PXDNL: variants seen among roughly 807,000 people sequenced by gnomAD.
PXDNL encodes the protein peroxidasin like.
PXDNL carries 145 observed loss-of-function variants against 150.8 expected under a neutral mutation model. That is an observed-to-expected ratio of 0.96 (90% confidence interval 0.84 to 1.10). PXDNL has a LOEUF of 1.10. Among genes scored for constraint, PXDNL ranks in the 50% least tolerant of loss-of-function variants. The pLI, the probability that PXDNL is intolerant of heterozygous loss-of-function variation, is 0.00. For missense variants in PXDNL, 2,087 were observed against 1,873.9 expected (o/e 1.11, Z -2.10); for synonymous variants, 757 against 725.7 (o/e 1.04, Z -0.69).
rs567137482 is a variant in PXDNL at position 51,392,434 on chromosome 8, C to A, written c.3557+15633G>T. Among the ~76,000 whole-genome samples the A allele has an allele frequency of 2.0e-5, 3 of 152,230 alleles. No individual in the cohort carries two copies. The East Asian group carries it at 5.8e-4, about 29-fold the overall frequency. On this transcript the variant is annotated intron_variant, in intron 17 of 22. Transcript: ENST00000356297. ...TTTCATTGAGCAGTGGTTTATAGTT[C>A]TCCTTGAAGAGGTCCTTCACGTCCC...
intron 1 of PXDNL, among the ~76,000 whole-genome samples, chr8:51,719,707 A>T (rs547811726): frequency 1.3e-3 from 191 of 152,090 alleles, no homozygotes; most frequent in Middle Eastern, 0.01. Context: ...TGATTTTTTT[A>T]AAAAAATATT....
chr8:51,429,347 A>G (rs1261204008), intron 12 of PXDNL, among the ~76,000 whole-genome samples: 2 of 152,176 alleles, frequency 1.3e-5, no homozygotes, highest in Non-Finnish European at 2.9e-5. Context: ...TGTGAGGCCG[A>G]GGTTGACGGA....
chr8:51,552,602 G>C (rs971616116), intron 4 of PXDNL, among the ~76,000 whole-genome samples: 1 of 152,162 alleles, frequency 6.6e-6, no homozygotes, highest in African/African-American at 2.4e-5. Flanking sequence ...AATATCGTAG[G>C]TTCTCATAAG....
intron 6 of PXDNL, among the ~76,000 whole-genome samples, chr8:51,479,982 G>A (rs114311235): frequency 0.015 from 2,280 of 152,206 alleles, 73 homozygotes; most frequent in African/African-American, 0.052. Context: ...TCTGACATGA[G>A]AATTACCAAG....
chr8:51,326,875 CA>C (rs1311141545), intron 21 of PXDNL, among the ~76,000 whole-genome samples: 7 of 152,088 alleles, frequency 4.6e-5, no homozygotes, highest in Non-Finnish European at 1.0e-4. Flanking sequence ...AGGAGTATTG[CA>C]GATGTAACTA....
chr8:51,637,641 A>C (rs1014159011), intron 2 of PXDNL, among the ~76,000 whole-genome samples: 1 of 152,334 alleles, frequency 6.6e-6, no homozygotes, highest in East Asian at 1.9e-4. Context: ...TGAAAAGAGA[A>C]GTTTAGAGAA....
chr8:51,617,916 A>C (rs1387930034), intron 2 of PXDNL, among the ~76,000 whole-genome samples: 2 of 152,270 alleles, frequency 1.3e-5, no homozygotes, highest in East Asian at 3.8e-4. Flanking sequence ...ACACACATGC[A>C]TGCAGGCGCA....
At chr8:51,763,462 A>G (rs1317684565) in intron 1 of PXDNL, among the ~76,000 whole-genome samples, 3 of 152,124 alleles carry the variant, frequency 2.0e-5, no homozygotes, top group African/African-American at 7.2e-5. Flanking sequence ...TCAGTAGGCC[A>G]CTGCACATGC....
intron 1 of PXDNL, among the ~76,000 whole-genome samples, chr8:51,669,129 A>G (rs1243676437): frequency 6.6e-6 from 1 of 152,244 alleles, no homozygotes; most frequent in Non-Finnish European, 1.5e-5. Flanking sequence ...TTTCAGGTGA[A>G]CTAAAAACAA....
intron 1 of PXDNL, 29 bp from the exon 2 acceptor site, chr8:51,654,789 T>C: frequency 6.4e-7 from 1 of 1,553,600 alleles, no homozygotes; most frequent in South Asian, 1.1e-5. Context: ...GAAGAACGAT[T>C]ATAATATGTT....
chr8:51,797,350 AG>A (rs1419315156), intron 1 of PXDNL, among the ~76,000 whole-genome samples: 3 of 152,224 alleles, frequency 2.0e-5, no homozygotes, highest in African/African-American at 7.2e-5. Flanking sequence ...AAAGAAATAA[AG>A]GGTATTCAAA....
chr8:51,707,131 C>A (rs1356271772), intron 1 of PXDNL, among the ~76,000 whole-genome samples: 1 of 152,186 alleles, frequency 6.6e-6, no homozygotes, highest in Non-Finnish European at 1.5e-5. Context: ...ATGCTCACTT[C>A]TAGTAGAACT....
intron 2 of PXDNL, among the ~76,000 whole-genome samples, chr8:51,649,233 C>A (rs750719837): frequency 8.7e-4 from 133 of 152,160 alleles, no homozygotes; most frequent in Non-Finnish European, 1.5e-3. Flanking sequence ...GTAGTTGCAG[C>A]ACCGACATAG....
At chr8:51,704,711 A>G (rs1230095047) in intron 1 of PXDNL, among the ~76,000 whole-genome samples, 1 of 152,132 alleles carries the variant, frequency 6.6e-6, no homozygotes, top group Non-Finnish European at 1.5e-5. Context: ...GTTGCAACCA[A>G]CTTGCAACCT....
intron 1 of PXDNL, among the ~76,000 whole-genome samples, chr8:51,776,584 C>G (rs2037356274): frequency 6.6e-6 from 1 of 152,282 alleles, no homozygotes; most frequent in South Asian, 2.1e-4. Context: ...ACAGGCTCCT[C>G]TAACCCCCTC....
intron 3 of PXDNL, among the ~76,000 whole-genome samples, chr8:51,582,467 C>T (rs1364246156): frequency 6.6e-6 from 1 of 152,140 alleles, no homozygotes; most frequent in East Asian, 1.9e-4. Context: ...CTTTGAAAGG[C>T]TCTGACAGGT....
At chr8:51,700,247 A>G (rs560584790) in intron 1 of PXDNL, among the ~76,000 whole-genome samples, 1 of 124,550 alleles carries the variant, frequency 8.0e-6, no homozygotes, top group Non-Finnish European at 1.8e-5. Flanking sequence ...ATACCCACAC[A>G]TATACACTCA....
intron 21 of PXDNL, among the ~76,000 whole-genome samples, chr8:51,322,106 C>T (rs539025836): frequency 3.9e-5 from 6 of 152,254 alleles, no homozygotes; most frequent in South Asian, 4.1e-4. Context: ...CAAGCCAAGG[C>T]GTGAGGCCTT....
intron 12 of PXDNL, among the ~76,000 whole-genome samples, chr8:51,441,303 G>A (rs1034445027): frequency 6.6e-6 from 1 of 152,176 alleles, no homozygotes; most frequent in Non-Finnish European, 1.5e-5. Flanking sequence ...CCCAGTCTCA[G>A]GTATTTCTTC....
Sources: allele counts gnomAD v4.1 joint callset (sites outside exome capture counted in the v4.1 genomes callset), GRCh38; gene constraint gnomAD v4.1.1; transcripts MANE v1.5; gene names NCBI Gene and HGNC (gene_info 2026-07-23, HGNC 2026-07-21).